The following SYNE1 variants were observed in gnomAD, a reference collection of about 807,000 sequenced individuals.
The protein encoded by SYNE1 is spectrin repeat containing nuclear envelope protein 1.
SYNE1 carries 616 observed loss-of-function variants against 1,111.0 expected under a neutral mutation model. That is an observed-to-expected ratio of 0.55 (90% confidence interval 0.52 to 0.59). The LOEUF (loss-of-function observed/expected upper bound fraction) is 0.59. Ranked by LOEUF, SYNE1 falls within the 20% of genes least tolerant of loss-of-function variation. The pLI is 0.00. For missense variants in SYNE1, 10,006 were observed against 10,417.0 expected (o/e 0.96, Z 1.72); for synonymous variants, 3,855 against 3,825.8 (o/e 1.01, Z -0.28).
At chr6:152,366,929 C>T (rs1208462648) in intron 62 of SYNE1, 2 of 559,854 alleles carry the variant, frequency 3.6e-6, no homozygotes, top group African/African-American at 1.9e-5. Context: ...AATATTTTCC[C>T]ATAATGAATA....
At chr6:152,534,512 T>C (rs996933116) in intron 4 of SYNE1, among the ~76,000 whole-genome samples, 30 of 152,208 alleles carry the variant, frequency 2.0e-4, no homozygotes, top group African/African-American at 6.3e-4. Context: ...ATATTTGTTA[T>C]ATAAGATGAT....
At position 152,455,594 on chromosome 6, in the gene SYNE1, G is replaced by T; in HGVS notation, c.2728-4C>A. On this transcript the variant is annotated splice_region_variant and splice_polypyrimidine_tract_variant and intron_variant, in intron 23 of 145. Coordinates refer to ENST00000367255, the MANE Select transcript of SYNE1 (RefSeq NM_182961.4). ...CTCCAGTTTTCTTTACCATACTCTTGATGTGAAAAACAATCATAATGTGAT... is the reference window on the plus strand; with the variant it reads ...CTCCAGTTTTCTTTACCATACTCTTTATGTGAAAAACAATCATAATGTGAT... 1.2e-6 allele frequency: 2 copies of T among 1,614,028 alleles called. No homozygotes were observed. The highest frequency in any genetic ancestry group is 2.2e-5 in the South Asian group (2 of 91,078).
chr6:152,129,720 G>A (rs1350461491), intron 145 of SYNE1: 1 of 152,094 alleles, frequency 6.6e-6, no homozygotes, highest in Non-Finnish European at 1.5e-5. Flanking sequence ...AGTCCCTTAT[G>A]TACAGCTGGA....
intron 137 of SYNE1, chr6:152,145,488 G>C (rs151017758): frequency 1.2e-6 from 2 of 1,613,852 alleles, no homozygotes; most frequent in Non-Finnish European, 1.7e-6. Context: ...TGTGCCTACC[G>C]GAGGTATTTT....
rs541395341 is a variant in SYNE1 at position 152,242,437 on chromosome 6, T to C, written c.19696A>G (p.Met6566Val). The change falls in exon 107 of 146, where the codon ATG (methionine) becomes GTG (valine). Residue 6566 changes from methionine to valine, a missense_variant. Physicochemically the swap from Met to Val is conservative, Grantham distance 21. This residue lies in a region of SYNE1 where 2,182 missense variants were observed against 2,287.8 expected (regional missense o/e 0.95). Transcript: ENST00000367255. ...SMQELSKLQD[M>V]YDELMMIIGS... Reference sequence around the variant, plus strand: ...ATGATCATCATCAGCTCATCATACATGTCCTAAGAAGCAGAGACCACAAGA... The same window carrying C: ...ATGATCATCATCAGCTCATCATACACGTCCTAAGAAGCAGAGACCACAAGA... 3.1e-5 allele frequency: 50 copies of C among 1,613,996 alleles called. No homozygotes were observed. The Admixed American group carries it at 4.0e-4, about 13-fold the overall frequency.
intron 53 of SYNE1, among the ~76,000 whole-genome samples, chr6:152,389,329 A>G (rs896466928): frequency 1.1e-4 from 16 of 152,056 alleles, no homozygotes; most frequent in Admixed American, 1.0e-3. Flanking sequence ...TATGACAGTT[A>G]TTTTTGCTGC....
intron 140 of SYNE1, among the ~76,000 whole-genome samples, chr6:152,139,636 A>G (rs2057957904): frequency 6.7e-6 from 1 of 149,370 alleles, no homozygotes; most frequent in Admixed American, 6.7e-5. Flanking sequence ...GGAAGGAAAG[A>G]AGGAGAAAGA....
At chr6:152,417,056 A>G (rs774579762) in intron 40 of SYNE1, 41 bp from the exon 41 acceptor site, 1 of 1,610,764 alleles carries the variant, frequency 6.2e-7, no homozygotes. Flanking sequence ...GAGATACACT[A>G]CAGTCTATGG....
Position 152,310,307 on chromosome 6 carries a change from G to A in SYNE1, c.17019+89C>T, listed in dbSNP as rs2095508734. ...AAAATAAATTAAAAAAAATAAAACA[G>A]TGTTGAGTTTAGGAGGCATTTTTCC... On this transcript the variant is annotated intron_variant, in intron 89 of 145. Transcript: ENST00000367255. 5 of 1,539,238 alleles carry A rather than the reference G, an allele frequency of 3.2e-6. No homozygotes were observed. The South Asian group carries it at 5.7e-5, about 17-fold the overall frequency.
In SYNE1 at chr6:152,469,759, T is replaced by G. The variant is rs560032335; in HGVS notation, c.1632+1838A>C. ...GGAAAGATATGGATTCAATTTCTGATTCCACAATTTACCACCTGGAGCGTG... is the reference window on the plus strand; with the variant it reads ...GGAAAGATATGGATTCAATTTCTGAGTCCACAATTTACCACCTGGAGCGTG... On this transcript the variant is annotated intron_variant, in intron 16 of 145. Coordinates refer to ENST00000367255, the MANE Select transcript of SYNE1 (RefSeq NM_182961.4). 1.1e-4 allele frequency among the ~76,000 whole-genome samples: 16 copies of G among 152,302 alleles called. 1 individual carries two copies. The highest frequency in any genetic ancestry group is 1.7e-4 in the African/African-American group (7 of 41,576).
chr6:152,221,425 C>T lies in SYNE1; in HGVS notation c.21656+1G>A. The T allele has an allele frequency of 6.2e-7, 1 of 1,613,772 alleles. No homozygotes were observed. The highest frequency in any genetic ancestry group is 8.5e-7 in the Non-Finnish European group (1 of 1,179,832). ...GTGTGTAAAGTTAACATACTCCATA[C>T]CTCATGTTGACTTCTTTCAGTGTAT... is the stretch of plus-strand genomic sequence containing the variant. On this transcript the variant is annotated splice_donor_variant, in intron 118 of 145. Transcript: ENST00000367255. LOFTEE classifies it high-confidence loss of function.
intron 11 of SYNE1, among the ~76,000 whole-genome samples, chr6:152,496,941 G>A (rs981371865): frequency 5.9e-5 from 9 of 151,678 alleles, no homozygotes; most frequent in Non-Finnish European, 8.8e-5. Flanking sequence ...AATGAATCTC[G>A]GAAGCTCCCC....
intron 6 of SYNE1, among the ~76,000 whole-genome samples, chr6:152,513,577 G>T (rs1392186012): frequency 6.6e-6 from 1 of 152,088 alleles, no homozygotes. Flanking sequence ...CAAGCAATCT[G>T]GCCACCTTGG....
chr6:152,268,197 T>C, intron 99 of SYNE1, 32 bp from the exon 100 acceptor site: 1 of 1,551,042 alleles, frequency 6.4e-7, no homozygotes, highest in Non-Finnish European at 8.9e-7. Context: ...CGCAAACACA[T>C]TTGCTACTTT....
intron 140 of SYNE1, among the ~76,000 whole-genome samples, chr6:152,137,419 C>T (rs1013282832): frequency 2.0e-5 from 3 of 152,150 alleles, no homozygotes; most frequent in Non-Finnish European, 4.4e-5. Flanking sequence ...TCTGCAGGCT[C>T]AGTGGCCCAC....
chr6:152,408,891 T>C (rs371958424), intron 44 of SYNE1, among the ~76,000 whole-genome samples, 177 bp downstream of exon 44: 2 of 151,416 alleles, frequency 1.3e-5, no homozygotes, highest in African/African-American at 4.9e-5. Flanking sequence ...AAGGCAGAGG[T>C]TGCGGTGAGC....
chr6:152,627,636 G>C (rs1306396906), intron 3 of SYNE1, among the ~76,000 whole-genome samples: 1 of 152,126 alleles, frequency 6.6e-6, no homozygotes, highest in African/African-American at 2.4e-5. Flanking sequence ...CAGCCTGGAA[G>C]ACAGAGCAAG....
chr6:152,178,110 A>T (rs1358339334), intron 129 of SYNE1, among the ~76,000 whole-genome samples: 1 of 152,312 alleles, frequency 6.6e-6, no homozygotes, highest in East Asian at 1.9e-4. Flanking sequence ...TATTCCTAAC[A>T]TTGTGCCAAA....
At position 152,628,503 on chromosome 6, in the gene SYNE1, CTTCT is replaced by C; in HGVS notation, c.-176_-173del. ...GGCAGCTCTCCCAAAGACTGAACTG[CTTCT>C]TTTTCTTCTTCCGTTTTAAGACTGT... On this transcript the variant is annotated 5_prime_UTR_variant, in exon 3 of 146. Coordinates refer to ENST00000367255, the MANE Select transcript of SYNE1 (RefSeq NM_182961.4). The C allele has an allele frequency of 4.5e-6, 3 of 659,748 alleles. No homozygotes were observed. In the South Asian group the frequency reaches 5.0e-5, roughly 11 times the overall value. The allele number at this position is 659,748 out of a possible 1,614,324, so 40.9% of individuals were successfully genotyped here. A position where few individuals can be genotyped will look rare whatever the true frequency, so the allele number is the denominator to read the frequency against.
Sources: allele counts gnomAD v4.1 joint callset (sites outside exome capture counted in the v4.1 genomes callset), GRCh38; gene constraint gnomAD v4.1.1; regional missense constraint gnomAD v4.1.1; transcripts MANE v1.5; gene names NCBI Gene and HGNC (gene_info 2026-07-23, HGNC 2026-07-21).